EFTUD2: variants seen among roughly 807,000 people sequenced by gnomAD.
EFTUD2 encodes the protein elongation factor Tu GTP binding domain containing 2, also known as 116 kDa U5 small nuclear ribonucleoprotein component.
In EFTUD2, 9 loss-of-function variants were observed where a neutral mutation model predicts 114.3. The ratio of observed to expected loss-of-function variants is 0.08; its 90% CI spans 0.05 to 0.14. The LOEUF (loss-of-function observed/expected upper bound fraction) is 0.14, where lower values mean the gene tolerates loss of function less well. EFTUD2 is among the 10% of genes least tolerant of loss of function. The probability of loss-of-function intolerance (pLI) is 1.00; values close to 1 mark genes in which losing one functional copy is unlikely to be tolerated. For synonymous variants in EFTUD2, 449 were observed against 462.3 expected (o/e 0.97, Z 0.37); for missense variants, 765 against 1,241.2 (o/e 0.62, Z 5.76).
In EFTUD2 at chr17:44,876,065, C is replaced by T. The variant is rs532306447; in HGVS notation, c.738G>A (p.Ala246=). The T allele has an allele frequency of 7.4e-6, 12 of 1,613,866 alleles. 1 individual carries two copies. The highest frequency in any genetic ancestry group is 1.7e-4 in the Middle Eastern group (1 of 5,994). Residue 246 remains alanine (A), a synonymous_variant, in exon 10 of 28, where the codon GCG becomes GCA. Coordinates refer to ENST00000426333, the MANE Select transcript of EFTUD2 (RefSeq NM_004247.4). Reference sequence around the variant, plus strand: ...CAGTGACTGCCAGCCTCTCCTGCACCGCATGCTTGATCAGCCGCTCTGTGT... The same window carrying T: ...CAGTGACTGCCAGCCTCTCCTGCACTGCATGCTTGATCAGCCGCTCTGTGT... The part of the protein sequence containing the change: ...MLNTERLIKH[A]VQERLAVTVC...
Position 44,886,573 on chromosome 17 carries a change from C to G in EFTUD2, c.271+12G>C. On this transcript the variant is annotated intron_variant, in intron 3 of 27. Coordinates refer to ENST00000426333, the MANE Select transcript of EFTUD2 (RefSeq NM_004247.4). The stretch of plus-strand genomic sequence containing the variant: ...AATTTCACTCCGCACAGCCCATGTC[C>G]TCCTGATGTACCTGTGAGAGGCTGA... 1 of 1,614,112 alleles carries G rather than the reference C, an allele frequency of 6.2e-7. No homozygotes were observed. Among genetic ancestry groups the G allele is most frequent in the Non-Finnish European group, 8.5e-7 (1 of 1,179,994 alleles).
Position 44,880,492 on chromosome 17 carries a change from T to C in EFTUD2, c.619+62A>G, listed in dbSNP as rs538992800. Reference sequence around the variant, plus strand: ...CACTGCTCCGTTCTGCTCCGAAAAGTGAGAGGACACACGCAAAACCAAGAC... The same window carrying C: ...CACTGCTCCGTTCTGCTCCGAAAAGCGAGAGGACACACGCAAAACCAAGAC... On this transcript the variant is annotated intron_variant, in intron 8 of 27. Transcript: ENST00000426333. 36 of 1,314,818 alleles carry C rather than the reference T, an allele frequency of 2.7e-5. No homozygotes were observed. The South Asian group carries it at 4.3e-4, about 16-fold the overall frequency. The allele number at this position is 1,314,818 out of a possible 1,614,324, so 81.4% of individuals were successfully genotyped here.
At chr17:44,871,775 C>T (rs1270854440) in intron 11 of EFTUD2, among the ~76,000 whole-genome samples, 2 of 152,200 alleles carry the variant, frequency 1.3e-5, no homozygotes. Context: ...AGACATCTCA[C>T]GGAGCCTGTC....
At chr17:44,851,637 G>T in intron 27 of EFTUD2, 73 bp downstream of exon 27, 1 of 1,408,872 alleles carries the variant, frequency 7.1e-7, no homozygotes, top group Non-Finnish European at 9.5e-7. Context: ...GGGGCCAAAA[G>T]AAAGAGAGAG....
chr17:44,889,405 C>A (rs528629169), intron 2 of EFTUD2, among the ~76,000 whole-genome samples: 5 of 152,096 alleles, frequency 3.3e-5, no homozygotes, highest in African/African-American at 1.2e-4. Flanking sequence ...GATATGGGGT[C>A]AAGAGAGAGT....
chr17:44,860,290 GA>G (rs2050632287), intron 17 of EFTUD2, 141 bp downstream of exon 17: 1 of 748,578 alleles, frequency 1.3e-6, no homozygotes, highest in African/African-American at 1.8e-5. Flanking sequence ...AGTACAGGGA[GA>G]ATCCAGCAGG....
intron 4 of EFTUD2, 67 bp downstream of exon 4, chr17:44,885,189 T>A: frequency 2.2e-6 from 3 of 1,345,558 alleles, no homozygotes; most frequent in Non-Finnish European, 3.2e-6. Flanking sequence ...AAAAGCCACC[T>A]CTTATCTCTA....
At chr17:44,879,873 G>C (rs576015221) in intron 8 of EFTUD2, among the ~76,000 whole-genome samples, 18 of 152,192 alleles carry the variant, frequency 1.2e-4, no homozygotes, top group African/African-American at 4.1e-4. Context: ...TCATGCCCAG[G>C]AGAGCATGAG....
At chr17:44,864,110 A>G (rs753603769) in intron 14 of EFTUD2, 52 of 198,402 alleles carry the variant, frequency 2.6e-4, no homozygotes, top group Non-Finnish European at 3.9e-4. Flanking sequence ...TAAGCACCCC[A>G]TCTAACATCT....
rs760900459 is a variant in EFTUD2 at position 44,854,203 on chromosome 17, T to C, written c.2347+66A>G. 136 of 1,516,640 alleles carry C rather than the reference T, an allele frequency of 9.0e-5. No homozygotes were observed. The highest frequency in any genetic ancestry group is 1.2e-4 in the Non-Finnish European group (134 of 1,116,228). 93.9% of individuals were successfully genotyped at this position (1,516,640 alleles called of 1,614,324 possible). On this transcript the variant is annotated intron_variant, in intron 23 of 27. Coordinates refer to ENST00000426333, the MANE Select transcript of EFTUD2 (RefSeq NM_004247.4). The surrounding 1 kb of genome is among the most constrained non-coding windows in gnomAD (Gnocchi z 4.3). ...CCGAATCCTAAAGATGGTGAGCCCATCCCACTCATATGCCTGGCTGCAAGG... is the reference window on the plus strand; with the variant it reads ...CCGAATCCTAAAGATGGTGAGCCCACCCCACTCATATGCCTGGCTGCAAGG...
At chr17:44,857,351 T>A (rs1205735665) in intron 19 of EFTUD2, 194 bp from the exon 20 acceptor site, 2 of 510,994 alleles carry the variant, frequency 3.9e-6, no homozygotes, top group South Asian at 4.2e-5. Context: ...CCAAGAAAAC[T>A]TACTGTAGTA....
chr17:44,886,512 TAAGG>T lies in EFTUD2; in HGVS notation c.271+69_271+72del, dbSNP rs2051175644. ...CTGATCAATTCATTCACTGAACTTTTAAGGTTTGCTGAGAGCTATGAAGTTTCCA... is the reference window on the plus strand; with the variant it reads ...CTGATCAATTCATTCACTGAACTTTTTTTGCTGAGAGCTATGAAGTTTCCA... On this transcript the variant is annotated intron_variant, in intron 3 of 27. Transcript: ENST00000426333. 3.8e-6 allele frequency: 6 copies of T among 1,564,998 alleles called. No individual in the cohort carries two copies. In the South Asian group the frequency reaches 7.1e-5, roughly 18 times the overall value.
chr17:44,894,238 T>C, intron 2 of EFTUD2, 179 bp downstream of exon 2: 1 of 574,964 alleles, frequency 1.7e-6, no homozygotes, highest in Non-Finnish European at 3.1e-6. Context: ...GGCATGGTGG[T>C]GCATACCTGT....
Position 44,859,071 on chromosome 17 carries a change from C to G in EFTUD2, c.1962+9G>C. ...CCGTGAACCCAGCTCCCGGCAGATA[C>G]TGCTGTACCTTGATGTCTATCTCTG... On this transcript the variant is annotated intron_variant, in intron 19 of 27. Coordinates refer to ENST00000426333, the MANE Select transcript of EFTUD2 (RefSeq NM_004247.4). The G allele has an allele frequency of 1.3e-6, 2 of 1,591,310 alleles. No homozygotes were observed. Among genetic ancestry groups the G allele is most frequent in the Non-Finnish European group, 1.7e-6 (2 of 1,159,180 alleles).
At chr17:44,878,006 T>G (rs973726363) in intron 9 of EFTUD2, among the ~76,000 whole-genome samples, 1 of 151,330 alleles carries the variant, frequency 6.6e-6, no homozygotes, top group African/African-American at 2.4e-5. Flanking sequence ...TGTGGTGGCG[T>G]GCACCTGTAA....
chr17:44,887,262 T>A (rs1026083264), intron 2 of EFTUD2, among the ~76,000 whole-genome samples: 8 of 152,214 alleles, frequency 5.3e-5, no homozygotes, highest in African/African-American at 1.9e-4. Context: ...ATTTTGGTAG[T>A]TCCTCAAAAT....
chr17:44,866,629 T>G (rs936352830), intron 13 of EFTUD2, among the ~76,000 whole-genome samples: 1 of 152,080 alleles, frequency 6.6e-6, no homozygotes, highest in Non-Finnish European at 1.5e-5. Flanking sequence ...TCCTCCCGCC[T>G]TGGCCTCCCA....
chr17:44,853,912 G>A lies in EFTUD2; in HGVS notation c.2348-277C>T, dbSNP rs549889947. On this transcript the variant is annotated intron_variant, in intron 23 of 27. Transcript: ENST00000426333. Reference sequence around the variant, plus strand: ...TTCTTCTGCACATATTTACATTTTTGTGGATGTAGAATAAATTCCAGAATT... The same window carrying A: ...TTCTTCTGCACATATTTACATTTTTATGGATGTAGAATAAATTCCAGAATT... 10 of 1,364,374 alleles carry A rather than the reference G, an allele frequency of 7.3e-6. No homozygotes were observed. In the Admixed American group the frequency reaches 2.2e-4, roughly 30 times the overall value. The allele number at this position is 1,364,374 out of a possible 1,614,324, so 84.5% of individuals were successfully genotyped here.
At chr17:44,870,702 T>A (rs1448511845) in intron 11 of EFTUD2, among the ~76,000 whole-genome samples, 1 of 152,156 alleles carries the variant, frequency 6.6e-6, no homozygotes, top group Non-Finnish European at 1.5e-5. Context: ...CATCTTCTTT[T>A]CTCCAGCTTA....
Sources: gnomAD v4.1 joint callset for allele counts (sites outside exome capture counted in the v4.1 genomes callset) on GRCh38, gnomAD v4.1.1 for gene constraint, Gnocchi (gnomAD v3.1) non-coding constraint, MANE v1.5 for transcripts, NCBI Gene and HGNC (gene_info 2026-07-23, HGNC 2026-07-21) for gene names.